Variants in ASTN2 observed in about 807,000 individuals in gnomAD.
The protein encoded by ASTN2 is astrotactin 2.
Under a neutral mutation model 139.8 loss-of-function variants are expected in ASTN2, and 54 were observed. That is an observed-to-expected ratio of 0.39 (90% CI 0.31 to 0.48). The LOEUF (loss-of-function observed/expected upper bound fraction) is 0.48, where lower values mean the gene tolerates loss of function less well. Among genes scored for constraint, ASTN2 ranks in the 20% least tolerant of loss-of-function variants. ASTN2 has a pLI of 0.95. For missense variants in ASTN2, 1,565 were observed against 1,725.1 expected (o/e 0.91, Z 1.64); for synonymous variants, 756 against 719.5 (o/e 1.05, Z -0.81).
chr9:116,907,100 T>C (rs539817513), intron 10 of ASTN2, among the ~76,000 whole-genome samples: 96 of 152,306 alleles, frequency 6.3e-4, no homozygotes, highest in African/African-American at 2.3e-3. Context: ...TTTATGTAGA[T>C]GATACACTAG....
chr9:117,400,488 G>A (rs1441033465), intron 1 of ASTN2, among the ~76,000 whole-genome samples: 1 of 152,156 alleles, frequency 6.6e-6, no homozygotes, highest in East Asian at 1.9e-4. Flanking sequence ...AAGAGGGGAG[G>A]GAGGGACAGT....
Position 116,815,828 on chromosome 9 carries a change from A to AAAAAAAAG in ASTN2, c.2207+4788_2207+4789insCTTTTTTT, listed in dbSNP as rs1554750237. On this transcript the variant is annotated intron_variant, in intron 12 of 22. Transcript: ENST00000313400. ...TCAAAAAAAAAAAAAAAAAAAAAAA[A>AAAAAAAAG]GTTGATGAAATGGCTCACTATCTCT... Among the ~76,000 whole-genome samples, 53 of 145,974 alleles carry AAAAAAAAG rather than the reference A, an allele frequency of 3.6e-4. 1 individual carries two copies. The highest frequency in any genetic ancestry group is 6.5e-4 in the Non-Finnish European group (43 of 66,122).
chr9:117,250,141 C>T (rs933729451), intron 2 of ASTN2, among the ~76,000 whole-genome samples: 2 of 152,188 alleles, frequency 1.3e-5, no homozygotes, highest in Admixed American at 6.5e-5. Flanking sequence ...CACACACACC[C>T]ACACACCCAC....
At chr9:116,561,665 C>T (rs956629225) in intron 19 of ASTN2, among the ~76,000 whole-genome samples, 8 of 152,218 alleles carry the variant, frequency 5.3e-5, no homozygotes, top group African/African-American at 1.9e-4. Context: ...GAGTCTCCCA[C>T]AGCCCCAGGG....
At chr9:117,296,277 C>CAAAAAAAAAA (rs5900277) in intron 1 of ASTN2, among the ~76,000 whole-genome samples, 28 of 70,984 alleles carry the variant, frequency 3.9e-4, no homozygotes, top group South Asian at 8.2e-4. Flanking sequence ...GACTGCATCT[C>CAAAAAAAAAA]AAAAAAAAAA....
At chr9:116,651,391 C>A (rs917825801) in intron 17 of ASTN2, 137 bp downstream of exon 17, 43 of 1,013,596 alleles carry the variant, frequency 4.2e-5, no homozygotes, top group Admixed American at 3.8e-4. Context: ...GGTAAGGAAT[C>A]AATAAATGCT....
At chr9:116,917,630 T>C (rs1398443076) in intron 10 of ASTN2, among the ~76,000 whole-genome samples, 1 of 152,246 alleles carries the variant, frequency 6.6e-6, no homozygotes, top group Non-Finnish European at 1.5e-5. Context: ...CAACTTGCCA[T>C]GTTCTGGTCC....
rs1011146990 is a variant in ASTN2 at position 116,485,392 on chromosome 9, A to G, written c.3497+1967T>C. Among the ~76,000 whole-genome samples the G allele has an allele frequency of 3.9e-5, 6 of 152,354 alleles. No homozygotes were observed. The East Asian group carries it at 1.2e-3, about 29-fold the overall frequency. On this transcript the variant is annotated intron_variant, in intron 20 of 22. Coordinates refer to ENST00000313400, the MANE Select transcript of ASTN2 (RefSeq NM_001365068.1). ...GGAGGGGAGAAACCAGAAGCCATCT[A>G]TCAGAAAATCTTTTGAAAATGCCAT...
At chr9:116,434,424 G>A (rs967615072) in intron 22 of ASTN2, among the ~76,000 whole-genome samples, 3 of 152,152 alleles carry the variant, frequency 2.0e-5, no homozygotes, top group Non-Finnish European at 4.4e-5. Flanking sequence ...AGGTTTGTTT[G>A]TTTTCACTAA....
rs1303955926 is a variant in ASTN2, at chr9:117,060,318, AAAAGAAAGAAAGAAAGAAAGAAAGAGAG to A, written c.1277-20381_1277-20354del. 2.4e-4 allele frequency among the ~76,000 whole-genome samples: 26 copies of A among 110,336 alleles called. 1 individual carries two copies. The highest frequency in any genetic ancestry group is 8.5e-4 in the African/African-American group (19 of 22,392). 72.4% of individuals were successfully genotyped at this position (110,336 alleles called of 152,430 possible). ...AGAGCAAGACTCTGTCAAAAAAGAA[AAAAGAAAGAAAGAAAGAAAGAAAGAGAG>A]AAAGAAAGAAAGAAAGAAAGAAAGA... On this transcript the variant is annotated intron_variant, in intron 5 of 22. Coordinates refer to ENST00000313400, the MANE Select transcript of ASTN2 (RefSeq NM_001365068.1).
Position 117,045,954 on chromosome 9 carries a change from T to TTGTA in ASTN2, c.1277-5993_1277-5990dup, listed in dbSNP as rs10599716. On this transcript the variant is annotated intron_variant, in intron 5 of 22. Coordinates refer to ENST00000313400, the MANE Select transcript of ASTN2 (RefSeq NM_001365068.1). ...TAGGATGGGGAAAGAGGCTGGGCTTTTGTATGTATGTATGTATGTATGTAT... is the reference window on the plus strand; with the variant it reads ...TAGGATGGGGAAAGAGGCTGGGCTTTTGTATGTATGTATGTATGTATGTATGTAT... Among the ~76,000 whole-genome samples, 27 of 140,952 alleles carry TTGTA rather than the reference T, an allele frequency of 1.9e-4. 1 individual carries two copies. Among genetic ancestry groups the TTGTA allele is most frequent in the African/African-American group, 6.5e-4 (25 of 38,580 alleles). 92.5% of individuals were successfully genotyped at this position (140,952 alleles called of 152,430 possible).
chr9:116,885,434 G>A (rs1022023897), intron 10 of ASTN2, among the ~76,000 whole-genome samples: 2 of 152,186 alleles, frequency 1.3e-5, no homozygotes, highest in Non-Finnish European at 2.9e-5. Context: ...GGGAAGCTGA[G>A]GTGGGTGGAT....
chr9:117,238,675 C>T (rs1833117619), intron 2 of ASTN2, among the ~76,000 whole-genome samples: 1 of 152,200 alleles, frequency 6.6e-6, no homozygotes, highest in Non-Finnish European at 1.5e-5. Context: ...CACTGACTTT[C>T]ACTGACTAGT....
chr9:116,758,392 C>G (rs1022190625), intron 13 of ASTN2, among the ~76,000 whole-genome samples: 2 of 152,138 alleles, frequency 1.3e-5, no homozygotes. Context: ...GCTCACAGGA[C>G]AGACATGTGC....
At chr9:116,869,799 A>G (rs770967252) in intron 10 of ASTN2, among the ~76,000 whole-genome samples, 7 of 152,164 alleles carry the variant, frequency 4.6e-5, no homozygotes, top group Non-Finnish European at 1.0e-4. Flanking sequence ...GAATGTAGCT[A>G]TGTTTCAATA....
At chr9:117,196,357 C>T (rs1831501865) in intron 3 of ASTN2, among the ~76,000 whole-genome samples, 1 of 152,124 alleles carries the variant, frequency 6.6e-6, no homozygotes, top group South Asian at 2.1e-4. Flanking sequence ...TCAATCCTTC[C>T]ATCCATCTTC....
At chr9:116,908,692 CA>C (rs1352601134) in intron 10 of ASTN2, among the ~76,000 whole-genome samples, 1 of 152,178 alleles carries the variant, frequency 6.6e-6, no homozygotes, top group African/African-American at 2.4e-5. Context: ...CCACATTTGA[CA>C]CTTCCTTTTC....
intron 1 of ASTN2, among the ~76,000 whole-genome samples, chr9:117,364,448 C>T (rs1324810553): frequency 6.6e-6 from 1 of 152,086 alleles, no homozygotes; most frequent in East Asian, 1.9e-4. Flanking sequence ...AAAATATGAG[C>T]CTTTTGAACT....
intron 19 of ASTN2, among the ~76,000 whole-genome samples, chr9:116,492,085 C>CTTTT (rs796673453): frequency 1.4e-5 from 2 of 143,170 alleles, no homozygotes; most frequent in African/African-American, 5.1e-5. Flanking sequence ...GTTTTTCTCT[C>CTTTT]TTTTTTTTTT....
Sources: gnomAD v4.1 joint callset for allele counts (sites outside exome capture counted in the v4.1 genomes callset) on GRCh38, gnomAD v4.1.1 for gene constraint, MANE v1.5 for transcripts, NCBI Gene and HGNC (gene_info 2026-07-23, HGNC 2026-07-21) for gene names.